Variants in IRX1 observed in about 807,000 individuals in gnomAD.
The protein encoded by IRX1 is iroquois homeobox 1.
Under a neutral mutation model 34.1 loss-of-function variants are expected in IRX1, and 22 were observed. The observed-to-expected ratio is 0.64, with a 90% confidence interval of 0.46 to 0.92. IRX1 has a LOEUF of 0.92. Ranked by LOEUF, IRX1 falls within the 40% of genes least tolerant of loss-of-function variation. The pLI is 0.00. For missense variants in IRX1, 758 were observed against 680.0 expected (o/e 1.11, Z -1.28); for synonymous variants, 363 against 319.0 (o/e 1.14, Z -1.47).
At position 3,599,114 on chromosome 5, in the gene IRX1, G is replaced by A. The variant is rs1478334491; in HGVS notation, c.277-111G>A. ...CTGGGAGGCCCTCGAGTCCATTGAA[G>A]CGGCTGCTTCCCACTCTCCCGTCTT... is the stretch of plus-strand genomic sequence containing the variant. On this transcript the variant is annotated intron_variant, in intron 1 of 3. Coordinates refer to ENST00000302006, the MANE Select transcript of IRX1 (RefSeq NM_024337.4). The surrounding 1 kb of genome is among the most constrained non-coding windows in gnomAD (Gnocchi z 6.6). The A allele has an allele frequency of 6.0e-6, 7 of 1,158,146 alleles. No homozygotes were observed. Among genetic ancestry groups the A allele is most frequent in the Non-Finnish European group, 8.4e-6 (7 of 834,984 alleles). 71.7% of individuals were successfully genotyped at this position (1,158,146 alleles called of 1,614,324 possible).
In IRX1 at chr5:3,599,604, A is replaced by T; in HGVS notation, c.656A>T (p.Asp219Val). The T allele has an allele frequency of 6.2e-7, 1 of 1,614,032 alleles. No individual in the cohort carries two copies. The highest frequency in any genetic ancestry group is 8.5e-7 in the Non-Finnish European group (1 of 1,180,032). ...DTEGDPEKAE[D>V]DEEIDLESID... Reference sequence around the variant, plus strand: ...GAGGGCGACCCGGAGAAGGCCGAGGACGACGAGGAGATCGACCTGGAAAGC... The same window carrying T: ...GAGGGCGACCCGGAGAAGGCCGAGGTCGACGAGGAGATCGACCTGGAAAGC... Residue 219 changes from aspartate (D) to valine (V), a missense_variant, in exon 2 of 4, where the codon GAC (aspartate) becomes GTC (valine). Asp to Val is a radical substitution (Grantham distance 152, BLOSUM62 -3). Around this residue, in one of 3 missense-constraint regions of IRX1, gnomAD observed 529 missense variants for 418.8 expected, o/e 1.26. Transcript: ENST00000302006. This position sits in a 1 kb window ranked among gnomAD's most constrained non-coding sequence, Gnocchi z 6.6.
rs1039827116 is a variant in IRX1 at position 3,599,914 on chromosome 5, A to C, written c.966A>C (p.Thr322=). 91 of 1,473,222 alleles carry C rather than the reference A, an allele frequency of 6.2e-5. No homozygotes were observed. The highest frequency in any genetic ancestry group is 8.0e-5 in the Non-Finnish European group (89 of 1,112,054). The allele number at this position is 1,473,222 out of a possible 1,614,324, so 91.3% of individuals were successfully genotyped here. A position where few individuals can be genotyped will look rare whatever the true frequency, so the allele number is the denominator to read the frequency against. ...CCAAGATCTGGTCGCTGGCGGAGAC[A>C]GCCACGAGCCCCGACGGTGCGCCCA... is the stretch of plus-strand genomic sequence containing the variant. The part of the protein sequence containing the change: ...GKPKIWSLAE[T]ATSPDGAPKA... Residue 322 remains threonine, a synonymous_variant, in exon 2 of 4, where the codon ACA becomes ACC. Coordinates refer to ENST00000302006, the MANE Select transcript of IRX1 (RefSeq NM_024337.4). This position sits in a 1 kb window ranked among gnomAD's most constrained non-coding sequence, Gnocchi z 6.6.
Position 3,599,213 on chromosome 5 carries a change from C to T in IRX1, c.277-12C>T. 6.2e-7 allele frequency: 1 copy of T among 1,609,206 alleles called. No individual in the cohort carries two copies. The highest frequency in any genetic ancestry group is 8.5e-7 in the Non-Finnish European group (1 of 1,176,926). Reference sequence around the variant, plus strand: ...CCTCTCTCTCCTCGATGGATCTGCCCTGTGGCTTCAGGGCTCGCAGTATGA... The same window carrying T: ...CCTCTCTCTCCTCGATGGATCTGCCTTGTGGCTTCAGGGCTCGCAGTATGA... On this transcript the variant is annotated splice_polypyrimidine_tract_variant and intron_variant, in intron 1 of 3. Transcript: ENST00000302006. The surrounding 1 kb of genome is among the most constrained non-coding windows in gnomAD (Gnocchi z 6.6).
intron 1 of IRX1, among the ~76,000 whole-genome samples, chr5:3,596,986 G>A (rs1241876741): frequency 6.6e-6 from 1 of 152,176 alleles, no homozygotes; most frequent in Non-Finnish European, 1.5e-5. Flanking sequence ...GCGTGAGTGC[G>A]AATTTGAGAT....
Position 3,601,083 on chromosome 5 carries a change from G to A in IRX1, c.*43G>A, listed in dbSNP as rs377284296. 111 of 1,267,776 alleles carry A rather than the reference G, an allele frequency of 8.8e-5. No homozygotes were observed. The highest frequency in any genetic ancestry group is 5.0e-5 in the Non-Finnish European group (44 of 877,684). The allele number at this position is 1,267,776 out of a possible 1,614,324, so 78.5% of individuals were successfully genotyped here. A position where few individuals can be genotyped will look rare whatever the true frequency, so the allele number is the denominator to read the frequency against. ...CTTTTGCGGGGGGGAGGGGGGAGGAGTTGGGGAGGGAGGGAATGTGGGAGG... is the reference window on the plus strand; with the variant it reads ...CTTTTGCGGGGGGGAGGGGGGAGGAATTGGGGAGGGAGGGAATGTGGGAGG... On this transcript the variant is annotated 3_prime_UTR_variant, in exon 4 of 4. Coordinates refer to ENST00000302006, the MANE Select transcript of IRX1 (RefSeq NM_024337.4).
rs1321019632 is a variant in IRX1 at position 3,599,901 on chromosome 5, C to T, written c.953C>T (p.Ser318Leu). The T allele has an allele frequency of 5.4e-6, 8 of 1,477,840 alleles. No individual in the cohort carries two copies. The highest frequency in any genetic ancestry group is 2.9e-5 in the African/African-American group (2 of 69,906). 91.5% of individuals were successfully genotyped at this position (1,477,840 alleles called of 1,614,324 possible). A position where few individuals can be genotyped will look rare whatever the true frequency, so the allele number is the denominator to read the frequency against. ...CCGCACGGCAAGCCCAAGATCTGGT[C>T]GCTGGCGGAGACAGCCACGAGCCCC... The part of the protein sequence containing the change: ...GAPHGKPKIW[S>L]LAETATSPDG... Residue 318 changes from serine to leucine, a missense_variant, in exon 2 of 4, where the codon TCG becomes TTG. Transcript: ENST00000302006. This position sits in a 1 kb window ranked among gnomAD's most constrained non-coding sequence, Gnocchi z 6.6.
At chr5:3,596,404 G>A (rs3749631) in intron 1 of IRX1, 23 bp downstream of exon 1, 10 of 1,483,900 alleles carry the variant, frequency 6.7e-6, no homozygotes, top group Non-Finnish European at 8.1e-6. Context: ...GGCCTCCCCC[G>A]CTTCTCCTCT....
At chr5:3,600,861 G>C (rs1321213808) in intron 3 of IRX1, 122 bp from the exon 4 acceptor site, 30 of 1,225,332 alleles carry the variant, frequency 2.4e-5, no homozygotes, top group Non-Finnish European at 3.2e-5. Flanking sequence ...CTCCCCAGCC[G>C]GGAGCCGCGC....
rs367925581 is a variant in IRX1 at position 3,600,276 on chromosome 5, G to T, written c.1312+16G>T. 125 of 1,547,918 alleles carry T rather than the reference G, an allele frequency of 8.1e-5. No individual in the cohort carries two copies. Among genetic ancestry groups the T allele is most frequent in the Non-Finnish European group, 9.9e-5 (114 of 1,150,840 alleles). ...ACGCTCCCAGGTACAGCTCCAGGCC[G>T]CGTCCACCTGTCCCCTAGCTGGGAA... On this transcript the variant is annotated intron_variant, in intron 2 of 3. Coordinates refer to ENST00000302006, the MANE Select transcript of IRX1 (RefSeq NM_024337.4).
Position 3,599,523 on chromosome 5 carries a change from C to G in IRX1, c.575C>G (p.Thr192Arg). 6.2e-7 allele frequency: 1 copy of G among 1,614,156 alleles called. No homozygotes were observed. The highest frequency in any genetic ancestry group is 8.5e-7 in the Non-Finnish European group (1 of 1,180,036). Residue 192 changes from threonine (T) to arginine (R), a missense_variant, in exon 2 of 4, where the codon ACA becomes AGA. This residue lies in a region of IRX1 where 529 missense variants were observed against 418.8 expected (regional missense o/e 1.26). Transcript: ENST00000302006. The surrounding 1 kb of genome is among the most constrained non-coding windows in gnomAD (Gnocchi z 6.6). ...RRRLKKENKV[T>R]WGARSKDQED... Reference sequence around the variant, plus strand: ...CGCCTCAAGAAGGAGAACAAGGTGACATGGGGAGCGCGCAGCAAGGACCAG... The same window carrying G: ...CGCCTCAAGAAGGAGAACAAGGTGAGATGGGGAGCGCGCAGCAAGGACCAG...
chr5:3,599,597 G>T lies in IRX1; in HGVS notation c.649G>T (p.Ala217Ser). ...CGACACCGAGGGCGACCCGGAGAAG[G>T]CCGAGGACGACGAGGAGATCGACCT... ...GSDTEGDPEKAEDDEEIDLES... is the reference protein window; with the variant it reads ...GSDTEGDPEKSEDDEEIDLES... The change falls in exon 2 of 4, where the codon GCC becomes TCC. Residue 217 changes from alanine to serine, a missense_variant. Around this residue, in one of 3 missense-constraint regions of IRX1, gnomAD observed 529 missense variants for 418.8 expected, o/e 1.26. Coordinates refer to ENST00000302006, the MANE Select transcript of IRX1 (RefSeq NM_024337.4). This position sits in a 1 kb window ranked among gnomAD's most constrained non-coding sequence, Gnocchi z 6.6. The T allele has an allele frequency of 6.2e-7, 1 of 1,614,120 alleles. No homozygotes were observed. Among genetic ancestry groups the T allele is most frequent in the Non-Finnish European group, 8.5e-7 (1 of 1,180,046 alleles).
intron 1 of IRX1, among the ~76,000 whole-genome samples, chr5:3,597,454 C>T (rs1733816841): frequency 6.6e-6 from 1 of 152,218 alleles, no homozygotes; most frequent in Admixed American, 6.5e-5. Flanking sequence ...GTAAACGCCC[C>T]TCAAGTGTGC....
chr5:3,598,696 C>G (rs572446155), intron 1 of IRX1, among the ~76,000 whole-genome samples: 1 of 152,120 alleles, frequency 6.6e-6, no homozygotes, highest in Non-Finnish European at 1.5e-5. Context: ...GGTAGAAAAC[C>G]CGGGATGGTT....
In IRX1 at chr5:3,600,148, G is replaced by A; in HGVS notation, c.1200G>A (p.Ala400=). The A allele has an allele frequency of 1.2e-6, 2 of 1,613,110 alleles. No homozygotes were observed. Among genetic ancestry groups the A allele is most frequent in the Non-Finnish European group, 1.7e-6 (2 of 1,179,888 alleles). ...SFLGVGAPHA[A]PHGPHLPAPP... is the part of the protein sequence containing the mutation. ...TGGGCGTTGGCGCTCCCCACGCCGCGCCCCATGGCCCTCACCTTCCTGCAC... is the reference window on the plus strand; with the variant it reads ...TGGGCGTTGGCGCTCCCCACGCCGCACCCCATGGCCCTCACCTTCCTGCAC... Residue 400 remains alanine, a synonymous_variant, in exon 2 of 4, where the codon GCG becomes GCA. Coordinates refer to ENST00000302006, the MANE Select transcript of IRX1 (RefSeq NM_024337.4).
At position 3,599,567 on chromosome 5, in the gene IRX1, G is replaced by C; in HGVS notation, c.619G>C (p.Gly207Arg). 6.2e-7 allele frequency: 1 copy of C among 1,614,112 alleles called. No individual in the cohort carries two copies. The highest frequency in any genetic ancestry group is 8.5e-7 in the Non-Finnish European group (1 of 1,180,028). ...GGACCAGGAAGATGGAGCGCTCTTCGGCAGCGACACCGAGGGCGACCCGGA... is the reference window on the plus strand; with the variant it reads ...GGACCAGGAAGATGGAGCGCTCTTCCGCAGCGACACCGAGGGCGACCCGGA... The part of the protein sequence containing the change: ...SKDQEDGALF[G>R]SDTEGDPEKA... Residue 207 changes from glycine to arginine, a missense_variant, in exon 2 of 4, where the codon GGC (glycine) becomes CGC (arginine). Physicochemically the swap from Gly to Arg is moderately radical, Grantham distance 125. This residue lies in a region of IRX1 where 529 missense variants were observed against 418.8 expected (regional missense o/e 1.26). Transcript: ENST00000302006. This position sits in a 1 kb window ranked among gnomAD's most constrained non-coding sequence, Gnocchi z 6.6.
In IRX1 at chr5:3,599,788, G is replaced by T. The variant is rs755817015; in HGVS notation, c.840G>T (p.Ser280=). Residue 280 remains serine (S), a synonymous_variant, in exon 2 of 4, where the codon TCG becomes TCT. Coordinates refer to ENST00000302006, the MANE Select transcript of IRX1 (RefSeq NM_024337.4). The surrounding 1 kb of genome is among the most constrained non-coding windows in gnomAD (Gnocchi z 6.6). ...AAADVLKPQD[S]PLGLAKEAPE... ...CCGACGTTCTCAAGCCCCAGGACTC[G>T]CCCTTGGGCCTGGCAAAGGAGGCCC... 1.2e-6 allele frequency: 2 copies of T among 1,601,474 alleles called. No homozygotes were observed. The highest frequency in any genetic ancestry group is 1.3e-5 in the African/African-American group (1 of 74,732).
At position 3,596,147 on chromosome 5, in the gene IRX1, C is replaced by G. The variant is rs2111294441; in HGVS notation, c.42C>G (p.Ala14=). The change falls in exon 1 of 4, where the codon GCC becomes GCG. Residue 14 remains alanine, a synonymous_variant. Coordinates refer to ENST00000302006, the MANE Select transcript of IRX1 (RefSeq NM_024337.4). ...TGGGCTACCCGCAGTACCTGAGCGCCGCGGGGCCGGGCGCCTACGGCGGCG... is the reference window on the plus strand; with the variant it reads ...TGGGCTACCCGCAGTACCTGAGCGCGGCGGGGCCGGGCGCCTACGGCGGCG... ...PQLGYPQYLS[A]AGPGAYGGER... The G allele has an allele frequency of 9.6e-7, 1 of 1,037,846 alleles. No individual in the cohort carries two copies. The highest frequency in any genetic ancestry group is 1.2e-6 in the Non-Finnish European group (1 of 865,598). 64.3% of individuals were successfully genotyped at this position (1,037,846 alleles called of 1,614,324 possible). A position where few individuals can be genotyped will look rare whatever the true frequency, so the allele number is the denominator to read the frequency against.
intron 1 of IRX1, among the ~76,000 whole-genome samples, chr5:3,597,121 A>C (rs1384202257): frequency 6.6e-6 from 1 of 152,220 alleles, no homozygotes; most frequent in Admixed American, 6.5e-5. Flanking sequence ...CCTGCGTTAC[A>C]TAATGGAGGA....
Position 3,600,334 on chromosome 5 carries a change from G to A in IRX1, c.1312+74G>A, listed in dbSNP as rs1733930764. 7.3e-6 allele frequency: 10 copies of A among 1,374,596 alleles called. No individual in the cohort carries two copies. The East Asian group carries it at 2.5e-4, about 34-fold the overall frequency. 85.1% of individuals were successfully genotyped at this position (1,374,596 alleles called of 1,614,324 possible). On this transcript the variant is annotated intron_variant, in intron 2 of 3. Transcript: ENST00000302006. ...GCCTGGCTAGGTGTGGTAGCGTGGGGTGCAGCATGAGCCGGGAGGGTACCA... is the reference window on the plus strand; with the variant it reads ...GCCTGGCTAGGTGTGGTAGCGTGGGATGCAGCATGAGCCGGGAGGGTACCA...
Sources: allele counts gnomAD v4.1 joint callset (sites outside exome capture counted in the v4.1 genomes callset), GRCh38; gene constraint gnomAD v4.1.1; regional missense constraint gnomAD v4.1.1; non-coding constraint Gnocchi (gnomAD v3.1); transcripts MANE v1.5; gene names NCBI Gene and HGNC (gene_info 2026-07-23, HGNC 2026-07-21).